Variants in ZNF385D observed in about 807,000 individuals in gnomAD.
ZNF385D encodes zinc finger protein 659.
A neutral mutation model predicts 35.8 loss-of-function variants in ZNF385D; 15 were observed. The observed-to-expected ratio is 0.42, with a 90% CI of 0.28 to 0.64. The LOEUF is 0.64. Ranked by LOEUF, ZNF385D falls within the 30% of genes least tolerant of loss-of-function variation. ZNF385D has a pLI of 0.23. For synonymous variants in ZNF385D, 212 were observed against 186.8 expected (o/e 1.13, Z -1.10); for missense variants, 474 against 494.6 (o/e 0.96, Z 0.39).
chr3:21,480,118 T>C (rs1223370594), intron 4 of ZNF385D, among the ~76,000 whole-genome samples: 1 of 151,194 alleles, frequency 6.6e-6, no homozygotes, highest in Non-Finnish European at 1.5e-5. Context: ...TTTTTTTTTT[T>C]TGGAGACAGA....
intron 3 of ZNF385D, among the ~76,000 whole-genome samples, chr3:21,828,908 CA>C (rs1694822937): frequency 6.6e-6 from 1 of 152,200 alleles, no homozygotes. Context: ...CACATCAGTA[CA>C]AACTCTGGTT....
intron 2 of ZNF385D, chr3:21,579,727 C>A (rs1216810032): frequency 1.4e-5 from 2 of 143,688 alleles, no homozygotes; most frequent in Admixed American, 1.4e-4. Flanking sequence ...CAGGTGCTGT[C>A]AAATCCATGC....
At chr3:22,230,749 A>T (rs756862191) in intron 2 of ZNF385D, among the ~76,000 whole-genome samples, 2 of 152,154 alleles carry the variant, frequency 1.3e-5, no homozygotes, top group African/African-American at 4.8e-5. Flanking sequence ...TAAAATCCAG[A>T]AAAGTTTATA....
intron 3 of ZNF385D, among the ~76,000 whole-genome samples, chr3:21,799,420 T>C (rs191480114): frequency 2.0e-4 from 30 of 152,316 alleles, no homozygotes; most frequent in Admixed American, 1.4e-3. Flanking sequence ...ACATCCTCAT[T>C]AACACTTGTT....
At chr3:22,258,915 G>GA (rs1409283535) in intron 2 of ZNF385D, among the ~76,000 whole-genome samples, 7 of 151,706 alleles carry the variant, frequency 4.6e-5, no homozygotes, top group Non-Finnish European at 8.8e-5. Context: ...AGTTTATGGA[G>GA]AAAAAACTAG....
chr3:21,989,138 T>C (rs1369185526), intron 3 of ZNF385D, among the ~76,000 whole-genome samples: 19 of 152,170 alleles, frequency 1.2e-4, no homozygotes, highest in Admixed American at 1.1e-3. Flanking sequence ...CTGGGAGCTG[T>C]AGACCGGAGC....
chr3:21,645,826 T>C (rs1034358435), intron 2 of ZNF385D, among the ~76,000 whole-genome samples: 1 of 152,214 alleles, frequency 6.6e-6, no homozygotes, highest in Admixed American at 6.5e-5. Flanking sequence ...CAGTTCTGGG[T>C]CTTTTTTCAG....
intron 3 of ZNF385D, among the ~76,000 whole-genome samples, chr3:21,547,332 T>A (rs2062410268): frequency 1.3e-5 from 2 of 152,094 alleles, no homozygotes; most frequent in African/African-American, 4.8e-5. Context: ...TGCAAACTGG[T>A]AAAAGGCCTT....
At chr3:22,059,735 C>G (rs779161) in intron 3 of ZNF385D, among the ~76,000 whole-genome samples, 62,850 of 151,958 alleles carry the variant, frequency 0.41, 13,213 homozygotes, top group African/African-American at 0.48. Flanking sequence ...TGCTGTATCC[C>G]CAGGGCCTAA....
chr3:21,586,904 GGTT>G (rs1389046151), intron 2 of ZNF385D, among the ~76,000 whole-genome samples: 1 of 152,058 alleles, frequency 6.6e-6, no homozygotes, highest in Non-Finnish European at 1.5e-5. Context: ...AGAGGAAAGG[GGTT>G]GTTTACTCAG....
At chr3:22,012,369 A>G (rs1412152305) in intron 3 of ZNF385D, among the ~76,000 whole-genome samples, 1 of 152,150 alleles carries the variant, frequency 6.6e-6, no homozygotes, top group Non-Finnish European at 1.5e-5. Context: ...TGCTAACTAT[A>G]TACCACAAAT....
intron 3 of ZNF385D, among the ~76,000 whole-genome samples, chr3:21,926,975 A>G (rs1700760107): frequency 6.6e-6 from 1 of 152,118 alleles, no homozygotes; most frequent in South Asian, 2.1e-4. Flanking sequence ...TTGATCTCCA[A>G]TATTGAAGGT....
intron 2 of ZNF385D, among the ~76,000 whole-genome samples, chr3:21,617,905 A>G (rs1004517178): frequency 6.6e-6 from 1 of 152,156 alleles, no homozygotes; most frequent in Non-Finnish European, 1.5e-5. Context: ...TCTGTAGCTG[A>G]CAAACCCTTA....
In ZNF385D at chr3:21,915,418, T is replaced by A. The variant is rs183377797; in HGVS notation, c.326-250390A>T. Among the ~76,000 whole-genome samples, 365 of 152,306 alleles carry A rather than the reference T, an allele frequency of 2.4e-3. 1 individual carries two copies. Among genetic ancestry groups the A allele is most frequent in the Non-Finnish European group, 4.3e-3 (295 of 67,994 alleles). On this transcript the variant is annotated intron_variant, in intron 3 of 5. Transcript: ENST00000494108. ...AACCATTTAATAGCATTGTGTTACT[T>A]TGGAAGTACTATCATGCCTCTTTTT...
intron 3 of ZNF385D, among the ~76,000 whole-genome samples, chr3:21,773,265 T>C (rs974879560): frequency 6.8e-6 from 1 of 147,054 alleles, no homozygotes; most frequent in Non-Finnish European, 1.5e-5. Flanking sequence ...ATAAAAGATA[T>C]TTACCATTTT....
chr3:22,281,401 A>G (rs567525200), intron 2 of ZNF385D, among the ~76,000 whole-genome samples: 7 of 152,156 alleles, frequency 4.6e-5, no homozygotes, highest in Non-Finnish European at 8.8e-5. Flanking sequence ...TTACCCTAAG[A>G]TATGTCCCTT....
chr3:22,305,333 A>G (rs1019044920), intron 2 of ZNF385D, among the ~76,000 whole-genome samples: 10 of 152,040 alleles, frequency 6.6e-5, no homozygotes, highest in African/African-American at 2.4e-4. Flanking sequence ...AAAATTCTTT[A>G]TTTAAATTCA....
At chr3:22,133,215 A>T (rs1703902977) in intron 3 of ZNF385D, among the ~76,000 whole-genome samples, 1 of 152,186 alleles carries the variant, frequency 6.6e-6, no homozygotes, top group Non-Finnish European at 1.5e-5. Flanking sequence ...CAGCTTTGGG[A>T]AATACTTCGT....
chr3:21,775,860 T>C (rs982933024), intron 3 of ZNF385D, among the ~76,000 whole-genome samples: 2 of 151,758 alleles, frequency 1.3e-5, no homozygotes, highest in African/African-American at 4.8e-5. Context: ...AATTATAAAA[T>C]TAAGACATGC....
Sources: allele counts gnomAD v4.1 joint callset (sites outside exome capture counted in the v4.1 genomes callset), GRCh38; gene constraint gnomAD v4.1.1; transcripts MANE v1.5; gene names NCBI Gene and HGNC (gene_info 2026-07-23, HGNC 2026-07-21).